ANKRD18A: variants seen among roughly 807,000 people sequenced by gnomAD.
The protein encoded by ANKRD18A is ankyrin repeat domain-containing protein 18A.
ANKRD18A carries 72 observed loss-of-function variants against 110.6 expected under a neutral mutation model. That is an observed-to-expected ratio of 0.65 (90% confidence interval 0.54 to 0.79). ANKRD18A has a LOEUF of 0.79. Among genes scored for constraint, ANKRD18A ranks in the 30% least tolerant of loss-of-function variants. The probability of loss-of-function intolerance (pLI) is 0.00; values close to 1 mark genes in which losing one functional copy is unlikely to be tolerated. For synonymous variants in ANKRD18A, 305 were observed against 410.3 expected (o/e 0.74, Z 3.10); for missense variants, 934 against 1,163.3 (o/e 0.80, Z 2.87).
At position 38,601,068 on chromosome 9, in the gene ANKRD18A, T is replaced by G; in HGVS notation, c.936+63A>C. 8 of 1,453,218 alleles carry G rather than the reference T, an allele frequency of 5.5e-6. No homozygotes were observed. In the South Asian group the frequency reaches 7.5e-5, roughly 14 times the overall value. The allele number at this position is 1,453,218 out of a possible 1,614,324, so 90.0% of individuals were successfully genotyped here. A position where few individuals can be genotyped will look rare whatever the true frequency, so the allele number is the denominator to read the frequency against. On this transcript the variant is annotated intron_variant, in intron 8 of 15. Transcript: ENST00000399703. ...AGGTCACTTCATTTGGCCTATGCTA[T>G]GTTATTAAAGAAAAACAAACAAACA... is the stretch of plus-strand genomic sequence containing the variant.
chr9:38,582,462 A>G (rs576457550), intron 12 of ANKRD18A, among the ~76,000 whole-genome samples: 68 of 152,292 alleles, frequency 4.5e-4, no homozygotes, highest in African/African-American at 1.5e-3. Flanking sequence ...GATTGAAAAA[A>G]TTTTCTCAGT....
intron 15 of ANKRD18A, chr9:38,572,995 A>T: frequency 1.3e-6 from 1 of 786,696 alleles, no homozygotes; most frequent in Admixed American, 3.3e-5. Context: ...AGTATCTACT[A>T]ACCCAACAAT....
At chr9:38,600,508 T>C (rs1367985435) in intron 8 of ANKRD18A, among the ~76,000 whole-genome samples, 5 of 152,230 alleles carry the variant, frequency 3.3e-5, no homozygotes, top group Non-Finnish European at 5.9e-5. Context: ...GACAGCGCTT[T>C]ACAAATTTTA....
At chr9:38,612,384 TA>T (rs752944111) in intron 3 of ANKRD18A, among the ~76,000 whole-genome samples, 280 of 152,280 alleles carry the variant, frequency 1.8e-3, no homozygotes, top group African/African-American at 5.1e-3. Context: ...TATTTAACAT[TA>T]TTTTTTTTAC....
intron 12 of ANKRD18A, among the ~76,000 whole-genome samples, chr9:38,585,966 A>G (rs1363710169): frequency 6.6e-6 from 1 of 152,138 alleles, no homozygotes; most frequent in Non-Finnish European, 1.5e-5. Flanking sequence ...ATGAGAACAC[A>G]TGGACTCAGG....
chr9:38,603,959 A>G (rs71504579), intron 6 of ANKRD18A, among the ~76,000 whole-genome samples: 22 of 152,336 alleles, frequency 1.4e-4, no homozygotes, highest in Admixed American at 5.2e-4. Context: ...TTGCTTTCCC[A>G]GTGCCTGGTT....
At chr9:38,614,588 C>A (rs894729817) in intron 3 of ANKRD18A, among the ~76,000 whole-genome samples, 1 of 152,218 alleles carries the variant, frequency 6.6e-6, no homozygotes, top group Non-Finnish European at 1.5e-5. Context: ...CTGAGAATTA[C>A]TGCAGCAGAC....
In ANKRD18A at chr9:38,575,150, A is replaced by C. The variant is rs111371197; in HGVS notation, c.2964+326T>G. 3.4e-3 allele frequency among the ~76,000 whole-genome samples: 513 copies of C among 152,238 alleles called. 2 individuals carry two copies. The highest frequency in any genetic ancestry group is 0.012 in the African/African-American group (490 of 41,544). Reference sequence around the variant, plus strand: ...ACAAACTACAATCAAGTAGAGTAAGACAAAGCATTTCAAAGTATACCATCA... The same window carrying C: ...ACAAACTACAATCAAGTAGAGTAAGCCAAAGCATTTCAAAGTATACCATCA... On this transcript the variant is annotated intron_variant, in intron 15 of 15. Transcript: ENST00000399703.
chr9:38,611,446 T>A (rs1825617730), intron 3 of ANKRD18A, 125 bp from the exon 4 acceptor site: 1 of 1,458,698 alleles, frequency 6.9e-7, no homozygotes, highest in Non-Finnish European at 9.0e-7. Flanking sequence ...TGCAAAGCAG[T>A]CCCGTCCCTT....
In ANKRD18A at chr9:38,620,506, C is replaced by G; in HGVS notation, c.-221G>C. ...TCCACCACAGCCTTCAGCAGCGACA[C>G]TCGCAGACTCCGACCTCTCAGACCG... On this transcript the variant is annotated 5_prime_UTR_variant, in exon 1 of 16. Coordinates refer to ENST00000399703, the MANE Select transcript of ANKRD18A (RefSeq NM_147195.4). 7.1e-7 allele frequency: 1 copy of G among 1,416,848 alleles called. No homozygotes were observed. The highest frequency in any genetic ancestry group is 9.2e-7 in the Non-Finnish European group (1 of 1,087,082). 87.8% of individuals were successfully genotyped at this position (1,416,848 alleles called of 1,614,324 possible). A position where few individuals can be genotyped will look rare whatever the true frequency, so the allele number is the denominator to read the frequency against.
intron 8 of ANKRD18A, 71 bp downstream of exon 8, chr9:38,601,060 C>T: frequency 1.4e-6 from 2 of 1,382,674 alleles, no homozygotes; most frequent in Admixed American, 2.1e-5. Context: ...TTCATTTGGC[C>T]TATGCTATGT....
chr9:38,618,328 C>T (rs1825941470), intron 1 of ANKRD18A, among the ~76,000 whole-genome samples: 1 of 152,166 alleles, frequency 6.6e-6, no homozygotes, highest in Non-Finnish European at 1.5e-5. Flanking sequence ...TTGCCTAACA[C>T]CAGACCATAG....
At chr9:38,613,247 T>A (rs1214655375) in intron 3 of ANKRD18A, among the ~76,000 whole-genome samples, 1 of 151,106 alleles carries the variant, frequency 6.6e-6, no homozygotes, top group Non-Finnish European at 1.5e-5. Flanking sequence ...GATGTGGTTC[T>A]GGGGACACCA....
chr9:38,617,842 T>A (rs1320758818), intron 1 of ANKRD18A, among the ~76,000 whole-genome samples: 2 of 152,172 alleles, frequency 1.3e-5, no homozygotes, highest in African/African-American at 4.8e-5. Flanking sequence ...ATAAATGGAT[T>A]GATAGAATAC....
Position 38,571,978 on chromosome 9 carries a change from G to A in ANKRD18A, c.*67C>T, listed in dbSNP as rs1467316230. On this transcript the variant is annotated 3_prime_UTR_variant, in exon 16 of 16. Coordinates refer to ENST00000399703, the MANE Select transcript of ANKRD18A (RefSeq NM_147195.4). ...TACAACTTTTCCTTAAGATTTTATG[G>A]TTAATCTCTTCATTAGATGTGGCTT... 1.7e-5 allele frequency: 20 copies of A among 1,155,876 alleles called. No individual in the cohort carries two copies. Among genetic ancestry groups the A allele is most frequent in the East Asian group, 3.9e-5 (1 of 25,716 alleles). 71.6% of individuals were successfully genotyped at this position (1,155,876 alleles called of 1,614,324 possible).
intron 15 of ANKRD18A, 114 bp from the exon 16 acceptor site, chr9:38,572,173 T>C (rs1823675460): frequency 2.8e-6 from 2 of 709,322 alleles, no homozygotes; most frequent in Non-Finnish European, 4.5e-6. Flanking sequence ...ATGAGAAATA[T>C]GTACGTGCAA....
intron 12 of ANKRD18A, among the ~76,000 whole-genome samples, chr9:38,579,707 A>G (rs982379983): frequency 2.0e-5 from 3 of 152,234 alleles, no homozygotes; most frequent in African/African-American, 7.2e-5. Context: ...GAGAACAGTA[A>G]ACTCTTACAT....
At chr9:38,599,547 C>A (rs964951598) in intron 8 of ANKRD18A, among the ~76,000 whole-genome samples, 8 of 152,044 alleles carry the variant, frequency 5.3e-5, no homozygotes, top group Non-Finnish European at 1.0e-4. Flanking sequence ...TCAACACAAC[C>A]TCTGCCTCTC....
At chr9:38,613,382 T>A (rs2098909936) in intron 3 of ANKRD18A, among the ~76,000 whole-genome samples, 1 of 152,162 alleles carries the variant, frequency 6.6e-6, no homozygotes. Flanking sequence ...TCTTGTGTTT[T>A]TATATTTGCT....
Sources: allele counts gnomAD v4.1 joint callset (sites outside exome capture counted in the v4.1 genomes callset), GRCh38; gene constraint gnomAD v4.1.1; transcripts MANE v1.5; gene names NCBI Gene and HGNC (gene_info 2026-07-23, HGNC 2026-07-21).